Variants in DYSF observed in about 807,000 individuals in gnomAD.
The protein encoded by DYSF is dystrophy-associated fer-1-like 1.
A neutral mutation model predicts 274.9 loss-of-function variants in DYSF; 212 were observed. The ratio of observed to expected loss-of-function variants is 0.77; its 90% CI spans 0.69 to 0.86. DYSF has a LOEUF of 0.86. Ranked by LOEUF, DYSF falls within the 40% of genes least tolerant of loss-of-function variation. The pLI is 0.00. For synonymous variants in DYSF, 1,091 were observed against 1,078.7 expected, an observed-to-expected ratio of 1.01 and a Z score of -0.22; for missense variants, 2,666 against 2,783.2, an observed-to-expected ratio of 0.96 and a Z score of 0.95.
In DYSF at chr2:71,615,525, C is replaced by A. The variant is rs544852335; in HGVS notation, c.4464+2115C>A. Among the ~76,000 whole-genome samples, 36 of 152,178 alleles carry A rather than the reference C, an allele frequency of 2.4e-4. No homozygotes were observed. The highest frequency in any genetic ancestry group is 8.7e-4 in the African/African-American group (36 of 41,524). ...GTTCTGTTCTGCAGGGAGCCCTGGC[C>A]CTCTGGGGAAGCCCCTTTTCTGGTA... On this transcript the variant is annotated intron_variant, in intron 40 of 55. Coordinates refer to ENST00000410020, the MANE Select transcript of DYSF (RefSeq NM_001130987.2). The surrounding 1 kb of genome is among the most constrained non-coding windows in gnomAD (Gnocchi z 4.9).
intron 3 of DYSF, among the ~76,000 whole-genome samples, chr2:71,492,758 T>A (rs1385516418): frequency 7.1e-6 from 1 of 141,772 alleles, no homozygotes; most frequent in Non-Finnish European, 1.5e-5. Flanking sequence ...TTTCTCTTAC[T>A]CCTATTTGAA....
chr2:71,607,611 A>G (rs1005587574), intron 36 of DYSF, among the ~76,000 whole-genome samples: 8 of 152,138 alleles, frequency 5.3e-5, no homozygotes, highest in Admixed American at 2.0e-4. Context: ...GAATCCAGGC[A>G]AGAGAGGGTA....
At chr2:71,607,485 T>C (rs532515349) in intron 36 of DYSF, among the ~76,000 whole-genome samples, 7 of 152,200 alleles carry the variant, frequency 4.6e-5, no homozygotes, top group Admixed American at 3.3e-4. Context: ...TGGGAAGACA[T>C]TGGAGGACTT....
chr2:71,505,097 T>G (rs948649050), intron 4 of DYSF, among the ~76,000 whole-genome samples: 2 of 152,148 alleles, frequency 1.3e-5, no homozygotes, highest in African/African-American at 4.8e-5. Flanking sequence ...TTGGGGAGCC[T>G]CCTCCCTGTT....
chr2:71,656,299 T>G lies in DYSF; in HGVS notation c.4755+9T>G. ...TGATTGGTGAATTTAAGGTAAATCC[T>G]CGAAGACGTCCCTAACCCAGGTGGG... is the stretch of plus-strand genomic sequence containing the variant. On this transcript the variant is annotated intron_variant, in intron 43 of 55. Transcript: ENST00000410020. The G allele has an allele frequency of 6.2e-7, 1 of 1,613,674 alleles. No homozygotes were observed. The highest frequency in any genetic ancestry group is 1.1e-5 in the South Asian group (1 of 91,054).
chr2:71,684,012 G>C (rs1458366647), intron 55 of DYSF, among the ~76,000 whole-genome samples: 1 of 152,232 alleles, frequency 6.6e-6, no homozygotes, highest in South Asian at 2.1e-4. Flanking sequence ...TAGTGACTAA[G>C]GAGAGTCTAG....
chr2:71,577,256 A>C (rs1246591851), intron 30 of DYSF: 1 of 154,020 alleles, frequency 6.5e-6, no homozygotes, highest in East Asian at 1.9e-4. Flanking sequence ...ACTCATACAC[A>C]CCAACACACA....
chr2:71,458,734 A>T (rs1206391702), intron 1 of DYSF, among the ~76,000 whole-genome samples: 2 of 152,172 alleles, frequency 1.3e-5, no homozygotes, highest in African/African-American at 4.8e-5. Flanking sequence ...GAGCGTTCAC[A>T]TCTACTGTGG....
chr2:71,604,502 GC>G (rs1439223659), intron 36 of DYSF, among the ~76,000 whole-genome samples: 1 of 152,194 alleles, frequency 6.6e-6, no homozygotes, highest in African/African-American at 2.4e-5. Context: ...TGAGCCCCTG[GC>G]CATGGGAGCC....
At chr2:71,486,741 C>T (rs1156582040) in intron 3 of DYSF, among the ~76,000 whole-genome samples, 1 of 152,190 alleles carries the variant, frequency 6.6e-6, no homozygotes, top group African/African-American at 2.4e-5. Context: ...CTTTATCTGG[C>T]TAAAATCAGG....
At chr2:71,652,698 C>A (rs554966713) in intron 42 of DYSF, among the ~76,000 whole-genome samples, 99 of 152,104 alleles carry the variant, frequency 6.5e-4, no homozygotes, top group Non-Finnish European at 1.1e-3. Context: ...GAGAATGGAA[C>A]TTAATGTTTT....
At chr2:71,551,509 G>A (rs2090942142) in intron 18 of DYSF, 98 bp from the exon 19 acceptor site, 17 of 1,023,884 alleles carry the variant, frequency 1.7e-5, no homozygotes, top group Non-Finnish European at 2.5e-5. Flanking sequence ...CCTCCTGGGT[G>A]CCTGAGAGAT....
At chr2:71,529,895 A>G (rs2088461951) in intron 14 of DYSF, among the ~76,000 whole-genome samples, 2 of 152,196 alleles carry the variant, frequency 1.3e-5, no homozygotes, top group South Asian at 2.1e-4. Context: ...GGACCTCAAT[A>G]CTTTTTATTT....
intron 55 of DYSF, among the ~76,000 whole-genome samples, chr2:71,686,063 A>G (rs910491969): frequency 1.3e-5 from 2 of 152,136 alleles, no homozygotes; most frequent in Admixed American, 1.3e-4. Flanking sequence ...CACCTGTCTG[A>G]TGGAAGAGGC....
Position 71,590,195 on chromosome 2 carries a change from T to A in DYSF, c.3497-16T>A, listed in dbSNP as rs2093219257. 2.5e-6 allele frequency: 4 copies of A among 1,613,918 alleles called. No homozygotes were observed. The African/African-American group carries it at 5.3e-5, about 22-fold the overall frequency. On this transcript the variant is annotated splice_polypyrimidine_tract_variant and intron_variant, in intron 31 of 55. Transcript: ENST00000410020. Reference sequence around the variant, plus strand: ...AGCCACTCACTCTGGCACCTCTGTTTTTTCCCTTGGTGAAGATGGGAACCG... The same window carrying A: ...AGCCACTCACTCTGGCACCTCTGTTATTTCCCTTGGTGAAGATGGGAACCG...
intron 17 of DYSF, among the ~76,000 whole-genome samples, chr2:71,540,110 T>C (rs1343413508): frequency 6.7e-6 from 1 of 149,996 alleles, no homozygotes; most frequent in Non-Finnish European, 1.5e-5. Context: ...TCAACTTTTT[T>C]TTTCTTTTTT....
chr2:71,548,456 C>T (rs1348109302), intron 17 of DYSF, among the ~76,000 whole-genome samples: 2 of 152,126 alleles, frequency 1.3e-5, no homozygotes, highest in Non-Finnish European at 2.9e-5. Context: ...CCTCAGACTG[C>T]GTTACACTTT....
intron 50 of DYSF, 21 bp from the exon 51 acceptor site, chr2:71,669,577 ACTATTCT>A (rs759152443): frequency 1.2e-6 from 2 of 1,614,124 alleles, no homozygotes; most frequent in Non-Finnish European, 8.5e-7. Flanking sequence ...CTTAATGAGA[ACTATTCT>A]CTAAAAACAT....
chr2:71,646,124 C>T (rs564550450), intron 42 of DYSF, among the ~76,000 whole-genome samples: 4 of 152,342 alleles, frequency 2.6e-5, no homozygotes, highest in African/African-American at 9.6e-5. Context: ...GCAGCAGCAG[C>T]TGCGATCCTC....
Sources: gnomAD v4.1 joint callset for allele counts (sites outside exome capture counted in the v4.1 genomes callset) on GRCh38, gnomAD v4.1.1 for gene constraint, Gnocchi (gnomAD v3.1) non-coding constraint, MANE v1.5 for transcripts, NCBI Gene and HGNC (gene_info 2026-07-23, HGNC 2026-07-21) for gene names.